The following AGRN variants were observed in gnomAD, a reference collection of about 807,000 sequenced individuals.
AGRN encodes agrin, also known as agrin proteoglycan.
A neutral mutation model predicts 211.0 loss-of-function variants in AGRN; 106 were observed. The ratio of observed to expected loss-of-function variants is 0.50; its 90% CI spans 0.43 to 0.59. The LOEUF (loss-of-function observed/expected upper bound fraction) is 0.59, where lower values mean the gene tolerates loss of function less well. Among genes scored for constraint, AGRN ranks in the 20% least tolerant of loss-of-function variants. AGRN has a pLI of 0.00. For missense variants in AGRN, 3,040 were observed against 2,982.6 expected (o/e 1.02, Z -0.45); for synonymous variants, 1,525 against 1,332.5 (o/e 1.14, Z -3.15).
At chr1:1,026,721 C>T (rs569817239) in intron 2 of AGRN, among the ~76,000 whole-genome samples, 4 of 152,276 alleles carry the variant, frequency 2.6e-5, no homozygotes, top group African/African-American at 7.2e-5. Flanking sequence ...GGGCTGCAGA[C>T]GGAAACACCG....
rs1245232925 is a variant in AGRN at position 1,054,500 on chromosome 1, T to A, written c.5929T>A (p.Ser1977Thr). The change falls in exon 35 of 36, where the codon TCC (serine) becomes ACC (threonine). Residue 1977 changes from serine to threonine, a missense_variant. Around this residue, in one of 3 missense-constraint regions of AGRN, gnomAD observed 1,537 missense variants for 1,505.0 expected, o/e 1.02. Coordinates refer to ENST00000379370, the MANE Select transcript of AGRN (RefSeq NM_198576.4). ...GGGCAATGAGGCCCCTGTGACCGGC[T>A]CCTCCCCGCTGGGCGCCACGCAGCT... Reference protein sequence around the residue: ...QVGNEAPVTGSSPLGATQLDT... With the variant: ...QVGNEAPVTGTSPLGATQLDT... 6.2e-7 allele frequency: 1 copy of A among 1,603,446 alleles called. No individual in the cohort carries two copies. Among genetic ancestry groups the A allele is most frequent in the Non-Finnish European group, 8.5e-7 (1 of 1,176,026 alleles).
At chr1:1,030,064 T>C (rs1644624736) in intron 2 of AGRN, among the ~76,000 whole-genome samples, 1 of 131,272 alleles carries the variant, frequency 7.6e-6, no homozygotes, top group Non-Finnish European at 1.6e-5. Flanking sequence ...GATCAGCATG[T>C]GTGTGTGTGT....
chr1:1,035,169 T>G (rs866228035), intron 2 of AGRN, 108 bp from the exon 3 acceptor site: 118 of 942,400 alleles, frequency 1.3e-4, no homozygotes, highest in South Asian at 1.1e-3. Flanking sequence ...GGGCTAGCGG[T>G]GGGGGGGGGG....
chr1:1,053,779 T>C lies in AGRN; in HGVS notation c.5678T>C (p.Phe1893Ser). 1.2e-6 allele frequency: 2 copies of C among 1,609,074 alleles called. No individual in the cohort carries two copies. Among genetic ancestry groups the C allele is most frequent in the Non-Finnish European group, 1.7e-6 (2 of 1,178,468 alleles). ...ESEKALQSNH[F>S]ELSLRTEATQ... ...GAGAAGGCACTGCAGAGCAACCACT[T>C]TGAACTGAGCCTGCGCACTGAGGCC... is the stretch of plus-strand genomic sequence containing the variant. Residue 1893 changes from phenylalanine (F) to serine (S), a missense_variant, in exon 34 of 36, where the codon TTT becomes TCT. Phe to Ser is a radical substitution (Grantham distance 155). This residue lies in a region of AGRN where 1,537 missense variants were observed against 1,505.0 expected (regional missense o/e 1.02). Coordinates refer to ENST00000379370, the MANE Select transcript of AGRN (RefSeq NM_198576.4).
intron 2 of AGRN, among the ~76,000 whole-genome samples, chr1:1,027,398 G>C (rs972984659): frequency 6.6e-6 from 1 of 152,212 alleles, no homozygotes; most frequent in Admixed American, 6.5e-5. Flanking sequence ...GCAGGTGTGA[G>C]GCTGGTGGTG....
chr1:1,030,532 C>CGT (rs759429506), intron 2 of AGRN, among the ~76,000 whole-genome samples: 4 of 96,358 alleles, frequency 4.2e-5, no homozygotes, highest in African/African-American at 8.3e-5. Flanking sequence ...GTGAGATCAG[C>CGT]GTGTGTGTGT....
At chr1:1,033,763 G>T (rs1644730317) in intron 2 of AGRN, among the ~76,000 whole-genome samples, 1 of 115,152 alleles carries the variant, frequency 8.7e-6, no homozygotes, top group South Asian at 3.2e-4. Context: ...AGCCACCCCA[G>T]CCCCAGTCCC....
At position 1,032,680 on chromosome 1, in the gene AGRN, T is replaced by C. The variant is rs542517392; in HGVS notation, c.464-2597T>C. On this transcript the variant is annotated intron_variant, in intron 2 of 35. Coordinates refer to ENST00000379370, the MANE Select transcript of AGRN (RefSeq NM_198576.4). The surrounding 1 kb of genome is among the most constrained non-coding windows in gnomAD (Gnocchi z 4.7). ...CTTGGTCCGCGGTGCTGGAGGGGAC[T>C]GGCGGAGCAGAAGCGCCCTGGCGCC... Among the ~76,000 whole-genome samples the C allele has an allele frequency of 2.0e-3, 310 of 152,244 alleles. 1 individual carries two copies. The highest frequency in any genetic ancestry group is 0.012 in the South Asian group (59 of 4,818).
At position 1,056,030 on chromosome 1, in the gene AGRN, G is replaced by A. The variant is rs910512610; in HGVS notation, c.*1049G>A. ...TCCTAGGAGCAGGACCCGATGAAGCGGGCGGCGGTGGGGCTGGGTGCCGTG... is the reference window on the plus strand; with the variant it reads ...TCCTAGGAGCAGGACCCGATGAAGCAGGCGGCGGTGGGGCTGGGTGCCGTG... On this transcript the variant is annotated 3_prime_UTR_variant, in exon 36 of 36. Coordinates refer to ENST00000379370, the MANE Select transcript of AGRN (RefSeq NM_198576.4). 6.6e-6 allele frequency: 1 copy of A among 152,344 alleles called. No individual in the cohort carries two copies. Among genetic ancestry groups the A allele is most frequent in the African/African-American group, 2.4e-5 (1 of 41,464 alleles). 9.4% of individuals were successfully genotyped at this position (152,344 alleles called of 1,614,324 possible). A position where few individuals can be genotyped will look rare whatever the true frequency, so the allele number is the denominator to read the frequency against.
chr1:1,051,163 G>A, intron 30 of AGRN, 90 bp from the exon 31 acceptor site: 1 of 1,504,700 alleles, frequency 6.6e-7, no homozygotes, highest in Non-Finnish European at 9.0e-7. Context: ...ATAGGCAATG[G>A]GCGGGTGGGG....
intron 9 of AGRN, 34 bp downstream of exon 9, chr1:1,043,766 TCCTGTGCCTC>T: frequency 1.2e-6 from 2 of 1,603,926 alleles, no homozygotes; most frequent in Middle Eastern, 1.7e-4. Flanking sequence ...CGGGCCAGGG[TCCTGTGCCTC>T]CCTCAGCCTG....
chr1:1,051,669 G>A (rs1327532294), intron 32 of AGRN, 24 bp downstream of exon 32: 3 of 1,612,738 alleles, frequency 1.9e-6, no homozygotes, highest in African/African-American at 2.7e-5. Flanking sequence ...AGGGCAGGGG[G>A]CGGAGGCCGG....
rs115885544 is a variant in AGRN, at chr1:1,049,782, G to T, written c.4731G>T (p.Pro1577=). The T allele has an allele frequency of 1.3e-6, 2 of 1,593,004 alleles. No homozygotes were observed. The highest frequency in any genetic ancestry group is 1.3e-5 in the African/African-American group (1 of 74,428). The stretch of plus-strand genomic sequence containing the variant: ...CTGGAAGGTTCCATTGCCAGTGCCC[G>T]CCCGGCCGCGTCGGTGAGGGTGGGG... ...LEAGRFHCQC[P]PGRVGPTCAD... The change falls in exon 26 of 36, where the codon CCG becomes CCT. Residue 1577 remains proline (P), a synonymous_variant. Transcript: ENST00000379370.
intron 2 of AGRN, among the ~76,000 whole-genome samples, 155 bp downstream of exon 2, chr1:1,022,617 G>A (rs148137683): frequency 1.2e-3 from 54 of 46,302 alleles, no homozygotes; most frequent in Non-Finnish European, 2.5e-3. Context: ...CTGCTTCTCC[G>A]TCCCTGGCTC....
intron 19 of AGRN, 73 bp from the exon 20 acceptor site, chr1:1,047,254 C>G: frequency 6.5e-7 from 1 of 1,535,076 alleles, no homozygotes; most frequent in Non-Finnish European, 8.7e-7. Context: ...TGGCTTGCTG[C>G]TGGGGCCTGT....
At chr1:1,040,991 G>T (rs1247720263) in intron 4 of AGRN, 111 bp downstream of exon 4, 3 of 307,524 alleles carry the variant, frequency 9.8e-6, no homozygotes, top group Non-Finnish European at 1.5e-5. Context: ...GCGGGGCCCG[G>T]CGGGGAGGAG....
chr1:1,048,456 T>G lies in AGRN; in HGVS notation c.4105+91T>G. 4 of 1,082,376 alleles carry G rather than the reference T, an allele frequency of 3.7e-6. No homozygotes were observed. The highest frequency in any genetic ancestry group is 3.8e-6 in the Non-Finnish European group (3 of 783,012). 67.0% of individuals were successfully genotyped at this position (1,082,376 alleles called of 1,614,324 possible). On this transcript the variant is annotated intron_variant, in intron 23 of 35. Transcript: ENST00000379370. This position sits in a 1 kb window ranked among gnomAD's most constrained non-coding sequence, Gnocchi z 5.9. The stretch of plus-strand genomic sequence containing the variant: ...GCTAAGCCACCATCAGGCTTTGAGT[T>G]GGGGGCAGGAGCCCGGATTAAGGCG...
intron 2 of AGRN, chr1:1,034,007 C>A: frequency 1.7e-6 from 1 of 585,184 alleles, no homozygotes; most frequent in Middle Eastern, 8.4e-4. Context: ...ACCTCCCCAG[C>A]CCCGCGGGGA....
intron 2 of AGRN, among the ~76,000 whole-genome samples, chr1:1,030,842 G>GTGT (rs2100592665): frequency 7.6e-6 from 1 of 130,844 alleles, no homozygotes; most frequent in African/African-American, 3.0e-5. Context: ...GGTGCTGTGA[G>GTGT]ATCAGCGTGT....
Sources: allele counts gnomAD v4.1 joint callset (sites outside exome capture counted in the v4.1 genomes callset), GRCh38; gene constraint gnomAD v4.1.1; regional missense constraint gnomAD v4.1.1; non-coding constraint Gnocchi (gnomAD v3.1); transcripts MANE v1.5; gene names NCBI Gene and HGNC (gene_info 2026-07-23, HGNC 2026-07-21).